Variants in LMBRD1 observed in about 807,000 individuals in gnomAD.
LMBRD1 encodes lysosomal cobalamin transport escort protein LMBD1.
LMBRD1 carries 64 observed loss-of-function variants against 74.8 expected under a neutral mutation model. The ratio of observed to expected loss-of-function variants is 0.86; its 90% CI spans 0.70 to 1.05. The LOEUF (loss-of-function observed/expected upper bound fraction) is 1.05. Ranked by LOEUF, LMBRD1 falls within the 50% of genes least tolerant of loss-of-function variation. LMBRD1 has a pLI of 0.00. For missense variants in LMBRD1, 652 were observed against 645.9 expected (o/e 1.01, Z -0.10); for synonymous variants, 204 against 216.3 (o/e 0.94, Z 0.50).
Position 69,713,759 on chromosome 6 carries a change from G to A in LMBRD1, c.801C>T (p.Arg267=), listed in dbSNP as rs34327883. ...ACCTTTCTTCAAATTGTTTTAAGGC[G>A]CGTTTATCCCTTGCTGGCAAAGGTC... is the stretch of plus-strand genomic sequence containing the variant. ...DGRPLPARDK[R]ALKQFEERLR... is the part of the protein sequence containing the mutation. The change falls in exon 9 of 16, where the codon CGC becomes CGT. Residue 267 remains arginine (R), a synonymous_variant. Coordinates refer to ENST00000649934, the MANE Select transcript of LMBRD1 (RefSeq NM_018368.4). The A allele has an allele frequency of 2.0e-3, 3,219 of 1,613,524 alleles. 71 individuals carry two copies. In the African/African-American group the frequency reaches 0.038, roughly 19 times the overall value.
At position 69,713,736 on chromosome 6, in the gene LMBRD1, C is replaced by T; in HGVS notation, c.824G>A (p.Arg275Lys). ...DKRALKQFEE[R>K]LRTLKKRERH... ...CTCTCTCTTCTTAAGTGTTCGTAACCTTTCTTCAAATTGTTTTAAGGCGCG... is the reference window on the plus strand; with the variant it reads ...CTCTCTCTTCTTAAGTGTTCGTAACTTTTCTTCAAATTGTTTTAAGGCGCG... The change falls in exon 9 of 16, where the codon AGG (arginine) becomes AAG (lysine). Residue 275 changes from arginine (R) to lysine (K), a missense_variant. Transcript: ENST00000649934. 1 of 1,613,656 alleles carries T rather than the reference C, an allele frequency of 6.2e-7. No individual in the cohort carries two copies. Among genetic ancestry groups the T allele is most frequent in the Non-Finnish European group, 8.5e-7 (1 of 1,179,738 alleles).
At chr6:69,718,605 C>T (rs9360399) in intron 8 of LMBRD1, among the ~76,000 whole-genome samples, 55,324 of 151,984 alleles carry the variant, frequency 0.36, 10,607 homozygotes, top group East Asian at 0.54. Flanking sequence ...TAAGCAAACA[C>T]GTCCTTCTTC....
rs148733784 is a variant in LMBRD1 at position 69,743,812 on chromosome 6, G to A, written c.474-1935C>T. Among the ~76,000 whole-genome samples, 684 of 152,300 alleles carry A rather than the reference G, an allele frequency of 4.5e-3. 4 individuals are homozygous for A. The highest frequency in any genetic ancestry group is 0.017 in the Middle Eastern group (5 of 294). ...GGCCTTAATTCTGCAGGACACTGAT[G>A]AACCAGGCTTTCCTCTTTCAATGGA... On this transcript the variant is annotated intron_variant, in intron 5 of 15. Transcript: ENST00000649934.
At position 69,731,450 on chromosome 6, in the gene LMBRD1, A is replaced by G. The variant is rs117341858; in HGVS notation, c.636+6492T>C. ...AAATGTGTATACCTATTATGTATCA[A>G]TAAAAATAAAAGACAATACAGTTGG... On this transcript the variant is annotated intron_variant, in intron 7 of 15. Coordinates refer to ENST00000649934, the MANE Select transcript of LMBRD1 (RefSeq NM_018368.4). 6.6e-5 allele frequency among the ~76,000 whole-genome samples: 10 copies of G among 152,256 alleles called. No individual in the cohort carries two copies. In the East Asian group the frequency reaches 1.7e-3, roughly 26 times the overall value.
At chr6:69,678,934 T>C (rs2149833542) in intron 14 of LMBRD1, among the ~76,000 whole-genome samples, 2 of 152,104 alleles carry the variant, frequency 1.3e-5, no homozygotes, top group Middle Eastern at 6.8e-3. Flanking sequence ...GATGTAAAGA[T>C]TTAGATAATC....
rs1393408904 is a variant in LMBRD1 at position 69,676,063 on chromosome 6, A to G, written c.*95T>C. The G allele has an allele frequency of 2.1e-6, 2 of 951,760 alleles. No homozygotes were observed. Among genetic ancestry groups the G allele is most frequent in the Non-Finnish European group, 3.3e-6 (2 of 597,758 alleles). 59.0% of individuals were successfully genotyped at this position (951,760 alleles called of 1,614,324 possible). A position where few individuals can be genotyped will look rare whatever the true frequency, so the allele number is the denominator to read the frequency against. ...TATAGCCATGCTCCCATTTTTGATG[A>G]AAGCTAGTTAGCAAATCCTAATGTT... On this transcript the variant is annotated 3_prime_UTR_variant, in exon 16 of 16. Coordinates refer to ENST00000649934, the MANE Select transcript of LMBRD1 (RefSeq NM_018368.4).
chr6:69,742,591 G>A (rs1005525434), intron 5 of LMBRD1, among the ~76,000 whole-genome samples: 3 of 152,080 alleles, frequency 2.0e-5, no homozygotes, highest in Non-Finnish European at 2.9e-5. Flanking sequence ...GTAAAGAGCT[G>A]GGTATCCCTT....
At chr6:69,731,240 G>T (rs1215647945) in intron 7 of LMBRD1, among the ~76,000 whole-genome samples, 2 of 152,036 alleles carry the variant, frequency 1.3e-5, no homozygotes, top group Non-Finnish European at 2.9e-5. Flanking sequence ...ACAACCTAGT[G>T]TTCAATAGAT....
chr6:69,676,042 G>C lies in LMBRD1; in HGVS notation c.*116C>G. On this transcript the variant is annotated 3_prime_UTR_variant, in exon 16 of 16. Coordinates refer to ENST00000649934, the MANE Select transcript of LMBRD1 (RefSeq NM_018368.4). ...TATAATAAAATATAGTTGTCTTATA[G>C]CCATGCTCCCATTTTTGATGAAAGC... 1 of 761,854 alleles carries C rather than the reference G, an allele frequency of 1.3e-6. No individual in the cohort carries two copies. Among genetic ancestry groups the C allele is most frequent in the Non-Finnish European group, 2.3e-6 (1 of 431,562 alleles). 47.2% of individuals were successfully genotyped at this position (761,854 alleles called of 1,614,324 possible).
chr6:69,750,267 T>C (rs962374082), intron 4 of LMBRD1, among the ~76,000 whole-genome samples: 1 of 151,576 alleles, frequency 6.6e-6, no homozygotes, highest in African/African-American at 2.4e-5. Context: ...GATAGGTTGT[T>C]CTCATCTTTA....
chr6:69,706,089 C>T (rs574126970), intron 9 of LMBRD1: 4 of 666,976 alleles, frequency 6.0e-6, no homozygotes, highest in South Asian at 5.6e-5. Flanking sequence ...CTTTGTCAGC[C>T]TGTAGTTCAC....
intron 12 of LMBRD1, among the ~76,000 whole-genome samples, chr6:69,699,780 CCT>C (rs1405981587): frequency 2.0e-5 from 3 of 151,676 alleles, no homozygotes; most frequent in African/African-American, 7.3e-5. Flanking sequence ...GTATCACCTC[CCT>C]GTTTTATTAC....
At chr6:69,764,363 T>G (rs1235211788) in intron 3 of LMBRD1, among the ~76,000 whole-genome samples, 2 of 151,946 alleles carry the variant, frequency 1.3e-5, no homozygotes, top group Non-Finnish European at 2.9e-5. Context: ...CTATGCCATG[T>G]GAGGACACTG....
intron 2 of LMBRD1, among the ~76,000 whole-genome samples, chr6:69,785,283 A>G (rs529533925): frequency 6.6e-6 from 1 of 152,292 alleles, no homozygotes; most frequent in South Asian, 2.1e-4. Context: ...TCCTCGGTCC[A>G]GTGTCAAGGC....
At chr6:69,692,070 C>CCCCTTTGT (rs1765897003) in intron 14 of LMBRD1, among the ~76,000 whole-genome samples, 1 of 151,844 alleles carries the variant, frequency 6.6e-6, no homozygotes, top group African/African-American at 2.4e-5. Context: ...TCTCATTTTC[C>CCCCTTTGT]CCCTTTGTAC....
chr6:69,717,978 C>T (rs1051728173), intron 8 of LMBRD1, among the ~76,000 whole-genome samples: 2 of 152,082 alleles, frequency 1.3e-5, no homozygotes, highest in African/African-American at 4.8e-5. Context: ...CGTACCTAGC[C>T]ACTTATATTT....
At chr6:69,697,208 G>T (rs1050480305) in intron 14 of LMBRD1, among the ~76,000 whole-genome samples, 4 of 151,824 alleles carry the variant, frequency 2.6e-5, no homozygotes, top group African/African-American at 9.7e-5. Flanking sequence ...ATTAAAAATT[G>T]TTCTAGGTCA....
intron 3 of LMBRD1, among the ~76,000 whole-genome samples, chr6:69,758,939 T>C (rs1765320241): frequency 6.6e-6 from 1 of 152,090 alleles, no homozygotes; most frequent in African/African-American, 2.4e-5. Flanking sequence ...CAACCCTACT[T>C]CCCCTAATAG....
chr6:69,712,876 A>G (rs751517839), intron 9 of LMBRD1, among the ~76,000 whole-genome samples: 2 of 152,178 alleles, frequency 1.3e-5, no homozygotes, highest in Admixed American at 6.6e-5. Flanking sequence ...ATGTTAACAA[A>G]TCAACAACAG....
Sources: gnomAD v4.1 joint callset for allele counts (sites outside exome capture counted in the v4.1 genomes callset) on GRCh38, gnomAD v4.1.1 for gene constraint, MANE v1.5 for transcripts, NCBI Gene and HGNC (gene_info 2026-07-23, HGNC 2026-07-21) for gene names.